DENND5B: variants seen among roughly 807,000 people sequenced by gnomAD.
DENND5B encodes the protein DENN domain containing 5B.
In DENND5B, 34 loss-of-function variants were observed where a neutral mutation model predicts 140.6. That is an observed-to-expected ratio of 0.24 (90% CI 0.18 to 0.32). The LOEUF (loss-of-function observed/expected upper bound fraction) is 0.32. DENND5B is among the 10% of genes least tolerant of loss of function. DENND5B has a pLI of 1.00. For synonymous variants in DENND5B, 551 were observed against 562.1 expected (o/e 0.98, Z 0.28); for missense variants, 1,142 against 1,560.2 (o/e 0.73, Z 4.52).
intron 1 of DENND5B, among the ~76,000 whole-genome samples, chr12:31,536,956 T>G (rs2139132497): frequency 6.6e-6 from 1 of 152,142 alleles, no homozygotes; most frequent in East Asian, 1.9e-4. Context: ...AAAAAACTTT[T>G]ACCCCAGAAT....
chr12:31,584,111 G>A (rs898724922), intron 1 of DENND5B, among the ~76,000 whole-genome samples: 1 of 152,130 alleles, frequency 6.6e-6, no homozygotes, highest in African/African-American at 2.4e-5. Context: ...GAGTATCTGT[G>A]ACCAACAGTG....
chr12:31,570,864 T>C (rs188528170), intron 1 of DENND5B, among the ~76,000 whole-genome samples: 3 of 152,142 alleles, frequency 2.0e-5, no homozygotes, highest in Middle Eastern at 3.4e-3. Context: ...AGGTAGGTTT[T>C]GGCAGGAAAC....
intron 1 of DENND5B, among the ~76,000 whole-genome samples, chr12:31,516,477 C>CAA (rs58069719): frequency 6.6e-4 from 45 of 68,636 alleles, no homozygotes; most frequent in East Asian, 2.1e-3. Flanking sequence ...GACCCTGTCT[C>CAA]AAAAAAAAAA....
At chr12:31,583,799 A>AT (rs1263854292) in intron 1 of DENND5B, among the ~76,000 whole-genome samples, 1 of 152,244 alleles carries the variant, frequency 6.6e-6, no homozygotes, top group African/African-American at 2.4e-5. Context: ...ACAGATTCTT[A>AT]TAGGACAGTG....
intron 2 of DENND5B, among the ~76,000 whole-genome samples, chr12:31,488,559 C>T (rs913688103): frequency 6.6e-6 from 1 of 152,140 alleles, no homozygotes; most frequent in Admixed American, 6.5e-5. Flanking sequence ...TTCCTAAATG[C>T]TCTTCCAACA....
intron 3 of DENND5B, among the ~76,000 whole-genome samples, chr12:31,474,179 A>G (rs1278996406): frequency 1.3e-5 from 2 of 152,242 alleles, no homozygotes; most frequent in African/African-American, 4.8e-5. Context: ...CTGCAAAGGC[A>G]CACAGGCATG....
At position 31,545,303 on chromosome 12, in the gene DENND5B, T is replaced by C. The variant is rs548700298; in HGVS notation, c.127+45403A>G. 1.4e-4 allele frequency among the ~76,000 whole-genome samples: 21 copies of C among 152,300 alleles called. No homozygotes were observed. The East Asian group carries it at 3.9e-3, about 28-fold the overall frequency. ...AGGTTTGCTATTTGGGTATATTGTA[T>C]AATGCTGAGGTTTGGGGTACAAATG... On this transcript the variant is annotated intron_variant, in intron 1 of 20. Transcript: ENST00000389082.
intron 1 of DENND5B, among the ~76,000 whole-genome samples, chr12:31,553,176 T>G (rs1949137144): frequency 6.6e-6 from 1 of 152,248 alleles, no homozygotes; most frequent in African/African-American, 2.4e-5. Flanking sequence ...TTTAGATCTT[T>G]CCTGCTTTCT....
At chr12:31,578,085 C>T (rs1419813865) in intron 1 of DENND5B, among the ~76,000 whole-genome samples, 1 of 146,976 alleles carries the variant, frequency 6.8e-6, no homozygotes, top group Non-Finnish European at 1.5e-5. Context: ...CAAGATCATG[C>T]CACTGCACTC....
At chr12:31,494,172 CTATCTATCT>C (rs1946654689) in intron 2 of DENND5B, among the ~76,000 whole-genome samples, 4 of 71,952 alleles carry the variant, frequency 5.6e-5, no homozygotes, top group East Asian at 5.8e-4. Flanking sequence ...ATCTATCTAT[CTATCTATCT>C]ATCCATCCAT....
At chr12:31,574,471 T>A (rs569497569) in intron 1 of DENND5B, among the ~76,000 whole-genome samples, 58 of 151,864 alleles carry the variant, frequency 3.8e-4, no homozygotes, top group Admixed American at 3.3e-3. Flanking sequence ...ATGCCTGTAG[T>A]CCCAGCTACT....
intron 2 of DENND5B, among the ~76,000 whole-genome samples, chr12:31,491,997 A>G (rs1057275881): frequency 6.6e-6 from 1 of 152,252 alleles, no homozygotes; most frequent in Non-Finnish European, 1.5e-5. Flanking sequence ...AGCTTCATAC[A>G]AACGCACTTA....
intron 1 of DENND5B, among the ~76,000 whole-genome samples, chr12:31,555,994 C>A (rs1949267181): frequency 6.6e-6 from 1 of 152,240 alleles, no homozygotes; most frequent in Non-Finnish European, 1.5e-5. Context: ...TCCCTGACCC[C>A]TTGCGCTTCC....
intron 1 of DENND5B, among the ~76,000 whole-genome samples, chr12:31,549,341 G>T (rs1020007592): frequency 2.0e-5 from 3 of 152,014 alleles, no homozygotes; most frequent in African/African-American, 7.2e-5. Flanking sequence ...TCTAAGAAAA[G>T]GAATCCTGAT....
Position 31,561,601 on chromosome 12 carries a change from A to AACCACC in DENND5B, c.127+29099_127+29104dup, listed in dbSNP as rs1452097613. Among the ~76,000 whole-genome samples the AACCACC allele has an allele frequency of 2.0e-5, 3 of 152,360 alleles. No homozygotes were observed. In the East Asian group the frequency reaches 5.8e-4, roughly 29 times the overall value. On this transcript the variant is annotated intron_variant, in intron 1 of 20. Transcript: ENST00000389082. The stretch of plus-strand genomic sequence containing the variant: ...TTTGAAACCTGATTAGCCAACATCT[A>AACCACC]ACCACCTCAATTTATAGTAAAGAGG...
intron 1 of DENND5B, among the ~76,000 whole-genome samples, chr12:31,536,928 A>G (rs903918500): frequency 2.6e-5 from 4 of 152,162 alleles, no homozygotes; most frequent in Non-Finnish European, 4.4e-5. Context: ...TGCATAACAT[A>G]TTTAAAGTGC....
At position 31,382,680 on chromosome 12, in the gene DENND5B, C is replaced by G. The variant is rs1277492748; in HGVS notation, c.*4923G>C. 2.6e-5 allele frequency: 4 copies of G among 151,900 alleles called. No homozygotes were observed. Among genetic ancestry groups the G allele is most frequent in the Non-Finnish European group, 4.4e-5 (3 of 67,936 alleles). The allele number at this position is 151,900 out of a possible 1,614,324, so 9.4% of individuals were successfully genotyped here. A position where few individuals can be genotyped will look rare whatever the true frequency, so the allele number is the denominator to read the frequency against. On this transcript the variant is annotated 3_prime_UTR_variant, in exon 21 of 21. Coordinates refer to ENST00000389082, the MANE Select transcript of DENND5B (RefSeq NM_144973.4). ...CCCTCCTACATAACCCAAGGATACC[C>G]TGGATCCCTTCGAATGAGGAAAAAT...
chr12:31,473,043 G>A (rs1047393460), intron 3 of DENND5B, among the ~76,000 whole-genome samples: 2 of 152,170 alleles, frequency 1.3e-5, no homozygotes, highest in Admixed American at 6.5e-5. Context: ...AGGCTCAAGC[G>A]ATCTCCCACC....
chr12:31,585,592 G>A (rs951935665), intron 1 of DENND5B, among the ~76,000 whole-genome samples: 1 of 152,206 alleles, frequency 6.6e-6, no homozygotes, highest in Non-Finnish European at 1.5e-5. Context: ...CACTAGTCAG[G>A]TGTCTACTGC....
Sources: gnomAD v4.1 joint callset for allele counts (sites outside exome capture counted in the v4.1 genomes callset) on GRCh38, gnomAD v4.1.1 for gene constraint, MANE v1.5 for transcripts, NCBI Gene and HGNC (gene_info 2026-07-23, HGNC 2026-07-21) for gene names.